MBD5: variants seen among roughly 807,000 people sequenced by gnomAD.
MBD5 encodes the protein methyl-CpG binding domain protein 5.
A neutral mutation model predicts 117.3 loss-of-function variants in MBD5; 13 were observed. The ratio of observed to expected loss-of-function variants is 0.11; its 90% CI spans 0.07 to 0.18. The LOEUF is 0.18. Among genes scored for constraint, MBD5 ranks in the 10% least tolerant of loss-of-function variants. The pLI is 1.00. For synonymous variants in MBD5, 727 were observed against 766.4 expected (o/e 0.95, Z 0.85); for missense variants, 1,879 against 2,093.8 (o/e 0.90, Z 2.00).
intron 1 of MBD5, among the ~76,000 whole-genome samples, chr2:148,176,466 A>G (rs1698391789): frequency 6.6e-6 from 1 of 151,236 alleles, no homozygotes; most frequent in South Asian, 2.1e-4. Context: ...TTGCAGTGGC[A>G]TAATCTCAGC....
At chr2:148,506,433 A>T (rs931349255) in intron 12 of MBD5, among the ~76,000 whole-genome samples, 1 of 152,246 alleles carries the variant, frequency 6.6e-6, no homozygotes, top group Non-Finnish European at 1.5e-5. Flanking sequence ...AAGGAATGAT[A>T]CTTACCATGT....
intron 3 of MBD5, among the ~76,000 whole-genome samples, chr2:148,304,225 T>C (rs1177521184): frequency 6.6e-6 from 1 of 152,226 alleles, no homozygotes; most frequent in East Asian, 1.9e-4. Flanking sequence ...TTAATTCATT[T>C]AATCCTCAAA....
At chr2:148,357,246 G>A (rs1703405081) in intron 4 of MBD5, among the ~76,000 whole-genome samples, 1 of 152,258 alleles carries the variant, frequency 6.6e-6, no homozygotes, top group African/African-American at 2.4e-5. Flanking sequence ...TCATCATGTT[G>A]AAAGTTATAG....
intron 1 of MBD5, among the ~76,000 whole-genome samples, chr2:148,111,081 G>T (rs1224102529): frequency 2.0e-5 from 3 of 152,076 alleles, no homozygotes; most frequent in African/African-American, 4.8e-5. Flanking sequence ...GTAAGGACAT[G>T]CTCAAAAACT....
At chr2:148,023,013 A>T (rs1384998021) in intron 1 of MBD5, among the ~76,000 whole-genome samples, 2 of 150,750 alleles carry the variant, frequency 1.3e-5, no homozygotes, top group African/African-American at 4.9e-5. Context: ...ACATTTCTTT[A>T]TTCTTTCCTT....
At position 148,034,758 on chromosome 2, in the gene MBD5, C is replaced by T. The variant is rs112455417; in HGVS notation, c.-925+13074C>T. 7.2e-3 allele frequency among the ~76,000 whole-genome samples: 1,099 copies of T among 152,234 alleles called. 15 individuals are homozygous for T. The highest frequency in any genetic ancestry group is 0.025 in the African/African-American group (1,027 of 41,534). On this transcript the variant is annotated intron_variant, in intron 1 of 13. Transcript: ENST00000642680. ...AAACATCATTTTCTTTTGTTGCATCCTTAGCGGCTTTGAGAAAGAAAGGTC... is the reference window on the plus strand; with the variant it reads ...AAACATCATTTTCTTTTGTTGCATCTTTAGCGGCTTTGAGAAAGAAAGGTC...
chr2:148,407,971 C>A (rs569606024), intron 4 of MBD5, among the ~76,000 whole-genome samples: 1 of 152,254 alleles, frequency 6.6e-6, no homozygotes, highest in East Asian at 1.9e-4. Flanking sequence ...AATATATGCT[C>A]CCACACATTA....
At chr2:148,096,628 A>G (rs1158991247) in intron 1 of MBD5, among the ~76,000 whole-genome samples, 1 of 152,168 alleles carries the variant, frequency 6.6e-6, no homozygotes, top group Non-Finnish European at 1.5e-5. Flanking sequence ...TTGTCTTTGA[A>G]GTATTATGGG....
intron 1 of MBD5, among the ~76,000 whole-genome samples, chr2:148,110,390 C>T (rs988261411): frequency 6.6e-6 from 1 of 152,118 alleles, no homozygotes; most frequent in Non-Finnish European, 1.5e-5. Flanking sequence ...TGCATTAATT[C>T]TCTTTTCAGG....
At chr2:148,051,064 CT>C (rs1385089444) in intron 1 of MBD5, among the ~76,000 whole-genome samples, 1 of 152,090 alleles carries the variant, frequency 6.6e-6, no homozygotes, top group Non-Finnish European at 1.5e-5. Flanking sequence ...AACAGTATGT[CT>C]TTTCATTTCT....
chr2:148,427,729 T>C (rs951994971), intron 4 of MBD5, among the ~76,000 whole-genome samples: 1 of 151,982 alleles, frequency 6.6e-6, no homozygotes, highest in South Asian at 2.1e-4. Flanking sequence ...ACATGGCACA[T>C]GTATACATAT....
intron 1 of MBD5, among the ~76,000 whole-genome samples, chr2:148,102,264 A>G (rs1696234590): frequency 6.6e-6 from 1 of 152,168 alleles, no homozygotes; most frequent in South Asian, 2.1e-4. Flanking sequence ...TTTTATCAAA[A>G]CCTAAGTTAA....
chr2:148,253,168 T>A (rs1448263878), intron 3 of MBD5, among the ~76,000 whole-genome samples: 1 of 152,224 alleles, frequency 6.6e-6, no homozygotes, highest in East Asian at 1.9e-4. Flanking sequence ...CAGAGGGAAC[T>A]CTACTAGGAG....
intron 8 of MBD5, among the ~76,000 whole-genome samples, chr2:148,474,205 G>A (rs1221928873): frequency 2.0e-5 from 3 of 152,098 alleles, no homozygotes; most frequent in African/African-American, 7.2e-5. Context: ...CCAAAATCAA[G>A]TGCCCTTGCC....
chr2:148,299,811 A>G (rs1158738136), intron 3 of MBD5, among the ~76,000 whole-genome samples: 2 of 152,312 alleles, frequency 1.3e-5, no homozygotes, highest in East Asian at 1.9e-4. Flanking sequence ...TAAATGCTTC[A>G]GGAAGTCAGT....
At position 148,483,740 on chromosome 2, in the gene MBD5, T is replaced by C; in HGVS notation, c.3149T>C (p.Leu1050Ser). The change falls in exon 9 of 14, where the codon TTA becomes TCA. Residue 1050 changes from leucine (L) to serine (S), a missense_variant. Leu to Ser is a moderately radical substitution (Grantham distance 145). This residue lies in a region of MBD5 where 1,666 missense variants were observed against 1,792.2 expected (regional missense o/e 0.93). Coordinates refer to ENST00000642680, the MANE Select transcript of MBD5 (RefSeq NM_001378120.1). ...GACAACAGCCGAGCTGAGACCCTTT[T>C]AACCAGCCCCCTGGGGAACCCTTTA... ...QSDNSRAETLLTSPLGNPLPS... is the reference protein window; with the variant it reads ...QSDNSRAETLSTSPLGNPLPS... 1 of 1,550,572 alleles carries C rather than the reference T, an allele frequency of 6.4e-7. No individual in the cohort carries two copies. The highest frequency in any genetic ancestry group is 8.7e-7 in the Non-Finnish European group (1 of 1,146,964).
At chr2:148,241,247 G>A (rs967965774) in intron 3 of MBD5, among the ~76,000 whole-genome samples, 1 of 151,838 alleles carries the variant, frequency 6.6e-6, no homozygotes, top group Non-Finnish European at 1.5e-5. Flanking sequence ...TCTAGTGAAG[G>A]CTTGGTTTGA....
At chr2:148,424,315 A>G (rs967388024) in intron 4 of MBD5, among the ~76,000 whole-genome samples, 2 of 151,916 alleles carry the variant, frequency 1.3e-5, no homozygotes, top group African/African-American at 4.8e-5. Context: ...AAAGGGATCA[A>G]TGCAACAAGA....
chr2:148,409,798 A>G (rs1034650259), intron 4 of MBD5, among the ~76,000 whole-genome samples: 2 of 152,274 alleles, frequency 1.3e-5, no homozygotes, highest in East Asian at 1.9e-4. Flanking sequence ...TTAAATGTCA[A>G]TAGTTTTACA....
Sources: gnomAD v4.1 joint callset for allele counts (sites outside exome capture counted in the v4.1 genomes callset) on GRCh38, gnomAD v4.1.1 for gene constraint, gnomAD v4.1.1 regional missense constraint, MANE v1.5 for transcripts, NCBI Gene and HGNC (gene_info 2026-07-23, HGNC 2026-07-21) for gene names.